Variants in TMPRSS2 observed in about 807,000 individuals in gnomAD.
The protein encoded by TMPRSS2 is transmembrane serine protease 2.
In TMPRSS2, 59 loss-of-function variants were observed where a neutral mutation model predicts 67.4. The ratio of observed to expected loss-of-function variants is 0.88; its 90% CI spans 0.71 to 1.09. TMPRSS2 has a LOEUF of 1.09. TMPRSS2 is among the 50% of genes least tolerant of loss of function. TMPRSS2 has a pLI of 0.00. For missense variants in TMPRSS2, 668 were observed against 642.7 expected, an observed-to-expected ratio of 1.04 and a Z score of -0.43; for synonymous variants, 257 against 257.0, an observed-to-expected ratio of 1.00 and a Z score of 0.00.
intron 2 of TMPRSS2, among the ~76,000 whole-genome samples, chr21:41,495,970 T>A (rs1307132708): frequency 6.6e-6 from 1 of 152,164 alleles, no homozygotes; most frequent in Non-Finnish European, 1.5e-5. Flanking sequence ...GTAATAATTT[T>A]AAAAAGTTGT....
intron 4 of TMPRSS2, among the ~76,000 whole-genome samples, chr21:41,488,944 C>G (rs909713613): frequency 6.6e-6 from 1 of 152,186 alleles, no homozygotes; most frequent in Non-Finnish European, 1.5e-5. Flanking sequence ...CCCAGCCAAT[C>G]CCCCACTTTA....
intron 13 of TMPRSS2, 109 bp downstream of exon 13, chr21:41,467,624 CT>C (rs2091096151): frequency 7.5e-7 from 1 of 1,325,604 alleles, no homozygotes; most frequent in Non-Finnish European, 1.1e-6. Flanking sequence ...TTGCTTCATG[CT>C]GACCAGTGGT....
intron 9 of TMPRSS2, 55 bp from the exon 10 acceptor site, chr21:41,472,036 G>A (rs2091138185): frequency 8.2e-6 from 12 of 1,457,166 alleles, no homozygotes; most frequent in Non-Finnish European, 1.1e-5. Context: ...AGCTCTCAGT[G>A]GATGAACTTC....
chr21:41,480,692 G>A (rs967923407), intron 5 of TMPRSS2, 90 bp from the exon 6 acceptor site: 9 of 1,530,828 alleles, frequency 5.9e-6, no homozygotes, highest in Non-Finnish European at 7.9e-6. Context: ...AGGCTGAAGT[G>A]CAGTGGTCTG....
intron 11 of TMPRSS2, among the ~76,000 whole-genome samples, chr21:41,469,363 G>A (rs533050705): frequency 1.6e-4 from 24 of 152,048 alleles, no homozygotes; most frequent in Admixed American, 9.2e-4. Context: ...CAATGGACTT[G>A]TCACCATCAT....
At chr21:41,491,554 A>C (rs2091336607) in intron 3 of TMPRSS2, among the ~76,000 whole-genome samples, 1 of 152,264 alleles carries the variant, frequency 6.6e-6, no homozygotes, top group African/African-American at 2.4e-5. Flanking sequence ...ATTATATATG[A>C]TGGAGGCAAG....
intron 6 of TMPRSS2, among the ~76,000 whole-genome samples, chr21:41,479,866 G>A (rs1249455807): frequency 6.6e-6 from 1 of 152,112 alleles, no homozygotes; most frequent in African/African-American, 2.4e-5. Context: ...TCCCCAGGCA[G>A]TGCTGGTAAA....
intron 3 of TMPRSS2, 92 bp from the exon 4 acceptor site, chr21:41,489,685 T>G: frequency 1.3e-6 from 1 of 765,082 alleles, no homozygotes; most frequent in South Asian, 1.8e-5. Context: ...GTACACCACA[T>G]TAAGAAATAA....
At chr21:41,501,214 C>G (rs946704876) in intron 1 of TMPRSS2, among the ~76,000 whole-genome samples, 2 of 152,240 alleles carry the variant, frequency 1.3e-5, no homozygotes, top group Non-Finnish European at 2.9e-5. Flanking sequence ...ATAATCCTAT[C>G]TCTTCCAGCA....
chr21:41,475,937 C>T (rs1456192016), intron 8 of TMPRSS2, among the ~76,000 whole-genome samples: 1 of 151,932 alleles, frequency 6.6e-6, no homozygotes, highest in Non-Finnish European at 1.5e-5. Context: ...CTCCTTCCAC[C>T]TCTTCAAATG....
chr21:41,493,822 T>C (rs1421354458), intron 3 of TMPRSS2, among the ~76,000 whole-genome samples: 1 of 152,224 alleles, frequency 6.6e-6, no homozygotes, highest in Non-Finnish European at 1.5e-5. Flanking sequence ...CCACGCTCGC[T>C]CTGGCCTGCT....
rs369579311 is a variant in TMPRSS2 at position 41,470,663 on chromosome 21, C to G, written c.1156G>C (p.Ala386Pro). 1 of 1,613,176 alleles carries G rather than the reference C, an allele frequency of 6.2e-7. No individual in the cohort carries two copies. The highest frequency in any genetic ancestry group is 8.5e-7 in the Non-Finnish European group (1 of 1,179,850). Residue 386 changes from alanine to proline, a missense_variant, in exon 11 of 14, where the codon GCC (alanine) becomes CCC (proline). Ala to Pro is a conservative substitution (Grantham distance 27). Transcript: ENST00000332149. ...EQLCWISGWG[A>P]TEEKGKTSEV... ...GCAGCCTCACCTTTCTCCTCGGTGGCCCCCCACCCGGAAATCCAGCAGAGC... is the reference window on the plus strand; with the variant it reads ...GCAGCCTCACCTTTCTCCTCGGTGGGCCCCCACCCGGAAATCCAGCAGAGC...
At chr21:41,491,819 C>G (rs956071792) in intron 3 of TMPRSS2, among the ~76,000 whole-genome samples, 1 of 152,232 alleles carries the variant, frequency 6.6e-6, no homozygotes, top group African/African-American at 2.4e-5. Flanking sequence ...CATCTGTAGT[C>G]AGCGCGTGGT....
intron 1 of TMPRSS2, among the ~76,000 whole-genome samples, chr21:41,499,241 C>T (rs957472256): frequency 6.6e-6 from 1 of 152,202 alleles, no homozygotes; most frequent in Non-Finnish European, 1.5e-5. Flanking sequence ...GGCCATTTTG[C>T]TTGTTGTCCT....
intron 1 of TMPRSS2, among the ~76,000 whole-genome samples, chr21:41,503,827 G>A (rs568689321): frequency 6.6e-6 from 1 of 152,268 alleles, no homozygotes; most frequent in South Asian, 2.1e-4. Context: ...CCTTATAAAT[G>A]CATCATCACC....
intron 6 of TMPRSS2, 117 bp from the exon 7 acceptor site, chr21:41,479,399 T>A: frequency 1.3e-6 from 1 of 759,974 alleles, no homozygotes. Context: ...ACCTTAGCAT[T>A]TAGGAAAAAA....
intron 8 of TMPRSS2, among the ~76,000 whole-genome samples, chr21:41,475,833 G>A (rs1207565798): frequency 6.6e-6 from 1 of 151,804 alleles, no homozygotes; most frequent in Non-Finnish European, 1.5e-5. Context: ...GCAGAGGGCA[G>A]GGCGGGTGCC....
rs2091149852 is a variant in TMPRSS2, at chr21:41,473,179, C to A, written c.899+146G>T. The stretch of plus-strand genomic sequence containing the variant: ...TGCCTGGCATGAGCGCACTTGATGT[C>A]TCACAGCCCTAGGAAGCAGGTGCAA... On this transcript the variant is annotated intron_variant, in intron 9 of 13. Coordinates refer to ENST00000332149, the MANE Select transcript of TMPRSS2 (RefSeq NM_005656.4). 6.2e-6 allele frequency: 6 copies of A among 962,064 alleles called. No individual in the cohort carries two copies. In the East Asian group the frequency reaches 1.6e-4, roughly 26 times the overall value. 59.6% of individuals were successfully genotyped at this position (962,064 alleles called of 1,614,324 possible).
At chr21:41,507,370 C>T (rs1026799233) in intron 1 of TMPRSS2, among the ~76,000 whole-genome samples, 4 of 152,120 alleles carry the variant, frequency 2.6e-5, no homozygotes, top group Non-Finnish European at 5.9e-5. Flanking sequence ...GGGTTCCTGC[C>T]GGTGCCGGGT....
Sources: gnomAD v4.1 joint callset for allele counts (sites outside exome capture counted in the v4.1 genomes callset) on GRCh38, gnomAD v4.1.1 for gene constraint, MANE v1.5 for transcripts, NCBI Gene and HGNC (gene_info 2026-07-23, HGNC 2026-07-21) for gene names.